Variants in ZBTB8B observed in about 807,000 individuals in gnomAD.
ZBTB8B encodes zinc finger and BTB domain-containing protein 8B.
A neutral mutation model predicts 30.3 loss-of-function variants in ZBTB8B; 17 were observed. The observed-to-expected ratio is 0.56, with a 90% CI of 0.38 to 0.84. The LOEUF (loss-of-function observed/expected upper bound fraction) is 0.84, where lower values mean the gene tolerates loss of function less well. Among genes scored for constraint, ZBTB8B ranks in the 40% least tolerant of loss-of-function variants. ZBTB8B has a pLI of 0.00. For missense variants in ZBTB8B, 515 were observed against 644.9 expected (o/e 0.80, Z 2.18); for synonymous variants, 248 against 255.6 (o/e 0.97, Z 0.28).
intron 2 of ZBTB8B, among the ~76,000 whole-genome samples, chr1:32,477,029 A>G (rs1280474764): frequency 6.6e-6 from 1 of 151,734 alleles, no homozygotes; most frequent in Non-Finnish European, 1.5e-5. Context: ...CCCACTTCAT[A>G]CTTCATATTC....
chr1:32,474,550 G>GAA (rs762217301), intron 2 of ZBTB8B, among the ~76,000 whole-genome samples: 1 of 145,034 alleles, frequency 6.9e-6, no homozygotes, highest in East Asian at 2.0e-4. Context: ...AAAGGAAAAA[G>GAA]AAAAAAAAAA....
rs917865954 is a variant in ZBTB8B, at chr1:32,494,183, C to CAAAAAAAAAAA, written c.*8779_*8789dup. ...GGGCAACGAGAGCAAAACTCCATCT[C>CAAAAAAAAAAA]AAAAAAAAAAAAAAAAAAAAAAAAG... On this transcript the variant is annotated 3_prime_UTR_variant, in exon 4 of 4. Coordinates refer to ENST00000609129, the MANE Select transcript of ZBTB8B (RefSeq NM_001145720.2). 1 of 48,006 alleles carries CAAAAAAAAAAA rather than the reference C, an allele frequency of 2.1e-5. No homozygotes were observed. Among genetic ancestry groups the CAAAAAAAAAAA allele is most frequent in the Non-Finnish European group, 3.9e-5 (1 of 25,502 alleles). The allele number at this position is 48,006 out of a possible 1,614,324, so 3.0% of individuals were successfully genotyped here.
chr1:32,479,126 T>A (rs771730010), intron 2 of ZBTB8B, among the ~76,000 whole-genome samples: 1 of 152,152 alleles, frequency 6.6e-6, no homozygotes, highest in African/African-American at 2.4e-5. Context: ...TGAACCAGGT[T>A]TCTGTACCTA....
chr1:32,485,768 C>T lies in ZBTB8B; in HGVS notation c.*350C>T, dbSNP rs1364860281. The T allele has an allele frequency of 9.1e-6, 2 of 220,858 alleles. No homozygotes were observed. Among genetic ancestry groups the T allele is most frequent in the African/African-American group, 4.6e-5 (2 of 43,520 alleles). The allele number at this position is 220,858 out of a possible 1,614,324, so 13.7% of individuals were successfully genotyped here. On this transcript the variant is annotated 3_prime_UTR_variant, in exon 4 of 4. Transcript: ENST00000609129. Reference sequence around the variant, plus strand: ...CTTGTTTTTATATTGATTCAGTCCTCTGCATTCCTTTGTTATCATCCTCTT... The same window carrying T: ...CTTGTTTTTATATTGATTCAGTCCTTTGCATTCCTTTGTTATCATCCTCTT...
intron 3 of ZBTB8B, among the ~76,000 whole-genome samples, chr1:32,482,669 C>CA (rs1050028688): frequency 0.055 from 2,147 of 39,218 alleles, 114 homozygotes; most frequent in African/African-American, 0.11. Flanking sequence ...GACTCCGTGT[C>CA]AAAAAAAAAA....
Position 32,475,816 on chromosome 1 carries a change from GT to G in ZBTB8B, c.991+4221del, listed in dbSNP as rs1331933358. 2.4e-3 allele frequency among the ~76,000 whole-genome samples: 308 copies of G among 125,840 alleles called. 2 individuals carry two copies. The highest frequency in any genetic ancestry group is 0.017 in the South Asian group (66 of 3,834). The allele number at this position is 125,840 out of a possible 152,430, so 82.6% of individuals were successfully genotyped here. On this transcript the variant is annotated intron_variant, in intron 2 of 3. Transcript: ENST00000609129. ...AAAACCTTAAATGCAAAGAGGGGAG[GT>G]TTTTTTTTTTTTTTTTTTTAGACAG... is the stretch of plus-strand genomic sequence containing the variant.
rs1326102133 is a variant in ZBTB8B at position 32,492,205 on chromosome 1, A to G, written c.*6787A>G. The G allele has an allele frequency of 2.0e-5, 3 of 152,208 alleles. No homozygotes were observed. Among genetic ancestry groups the G allele is most frequent in the African/African-American group, 7.2e-5 (3 of 41,440 alleles). 9.4% of individuals were successfully genotyped at this position (152,208 alleles called of 1,614,324 possible). On this transcript the variant is annotated 3_prime_UTR_variant, in exon 4 of 4. Transcript: ENST00000609129. ...TGTCGTACTGTAGGGACATTATTGA[A>G]TGGACATGTCTGAGTATTCCATCAG... is the stretch of plus-strand genomic sequence containing the variant.
chr1:32,467,977 G>T (rs375791151), intron 1 of ZBTB8B, among the ~76,000 whole-genome samples: 3 of 151,934 alleles, frequency 2.0e-5, no homozygotes, highest in East Asian at 1.9e-4. Context: ...TTAGCCTGGC[G>T]TGGGGGTGGG....
intron 1 of ZBTB8B, among the ~76,000 whole-genome samples, chr1:32,466,210 T>C (rs188866259): frequency 7.4e-4 from 112 of 152,288 alleles, no homozygotes; most frequent in East Asian, 5.8e-3. Flanking sequence ...AATTCAAGGC[T>C]GCTTTTGGCC....
At chr1:32,478,994 A>C (rs1643684179) in intron 2 of ZBTB8B, among the ~76,000 whole-genome samples, 1 of 152,128 alleles carries the variant, frequency 6.6e-6, no homozygotes, top group African/African-American at 2.4e-5. Flanking sequence ...TTTCATTCTT[A>C]CCACAATCCT....
chr1:32,481,161 T>G, intron 3 of ZBTB8B, 92 bp downstream of exon 3: 5 of 1,228,968 alleles, frequency 4.1e-6, no homozygotes, highest in Non-Finnish European at 4.4e-6. Context: ...TTCATTTCTC[T>G]GTCTACTGGG....
chr1:32,466,581 A>G (rs992177159), intron 1 of ZBTB8B, among the ~76,000 whole-genome samples: 5 of 152,198 alleles, frequency 3.3e-5, no homozygotes, highest in Admixed American at 1.3e-4. Flanking sequence ...TTTACACAAT[A>G]TATACCAAGT....
chr1:32,471,564 G>C lies in ZBTB8B; in HGVS notation c.940G>C (p.Ala314Pro). ...AGGAAGACCAGAAGGTGCAGGAGTA[G>C]CCATGAGTTCCATGATGGATGTCCA... ...LEGRPEGAGV[A>P]MSSMMDVQAD... The change falls in exon 2 of 4, where the codon GCC becomes CCC. Residue 314 changes from alanine (A) to proline (P), a missense_variant. This residue lies in a region of ZBTB8B where 429 missense variants were observed against 504.3 expected (regional missense o/e 0.85). Transcript: ENST00000609129. 5.2e-6 allele frequency: 8 copies of C among 1,551,814 alleles called. No individual in the cohort carries two copies. The highest frequency in any genetic ancestry group is 7.0e-6 in the Non-Finnish European group (8 of 1,147,014).
rs1399605343 is a variant in ZBTB8B at position 32,487,049 on chromosome 1, A to T, written c.*1631A>T. 1 of 152,230 alleles carries T rather than the reference A, an allele frequency of 6.6e-6. No homozygotes were observed. Among genetic ancestry groups the T allele is most frequent in the Non-Finnish European group, 1.5e-5 (1 of 68,032 alleles). 9.4% of individuals were successfully genotyped at this position (152,230 alleles called of 1,614,324 possible). Reference sequence around the variant, plus strand: ...AATTTCCATAATTTTGTCTTATGTTAAAATATCCAAAATGGATTTTAAAAG... The same window carrying T: ...AATTTCCATAATTTTGTCTTATGTTTAAATATCCAAAATGGATTTTAAAAG... On this transcript the variant is annotated 3_prime_UTR_variant, in exon 4 of 4. Coordinates refer to ENST00000609129, the MANE Select transcript of ZBTB8B (RefSeq NM_001145720.2).
At chr1:32,475,455 G>A (rs996368372) in intron 2 of ZBTB8B, among the ~76,000 whole-genome samples, 19 of 152,070 alleles carry the variant, frequency 1.2e-4, no homozygotes, top group Admixed American at 9.8e-4. Context: ...GCGTGGTGGC[G>A]AGTGCCTGTG....
At position 32,482,985 on chromosome 1, in the gene ZBTB8B, C is replaced by T. The variant is rs140173930; in HGVS notation, c.1170+1916C>T. ...ATTGTGGGTGGCTCTCCTGCATCAG[C>T]CTCTCCCCGTCTCTGCCTCTTGCTT... On this transcript the variant is annotated intron_variant, in intron 3 of 3. Coordinates refer to ENST00000609129, the MANE Select transcript of ZBTB8B (RefSeq NM_001145720.2). Among the ~76,000 whole-genome samples, 899 of 151,986 alleles carry T rather than the reference C, an allele frequency of 5.9e-3. 9 individuals carry two copies. The highest frequency in any genetic ancestry group is 0.019 in the African/African-American group (807 of 41,462).
chr1:32,471,326 TG>T lies in ZBTB8B; in HGVS notation c.703del (p.Ala235LeufsTer19). On this transcript the variant is annotated frameshift_variant, in exon 2 of 4. Transcript: ENST00000609129. LOFTEE classifies it high-confidence loss of function. ...KRIEPKVEFD[A>X]DEVEVDVGEQ... ...GGATAGAGCCCAAGGTGGAATTTGA[TG>T]CTGATGAAGTGGAGGTGGACGTTGG... 6.4e-7 allele frequency: 1 copy of T among 1,551,802 alleles called. No homozygotes were observed. Among genetic ancestry groups the T allele is most frequent in the Non-Finnish European group, 8.7e-7 (1 of 1,147,016 alleles).
At position 32,480,997 on chromosome 1, in the gene ZBTB8B, G is replaced by C. The variant is rs1413711070; in HGVS notation, c.1098G>C (p.Glu366Asp). The change falls in exon 3 of 4, where the codon GAG becomes GAC. Residue 366 changes from glutamate to aspartate, a missense_variant. Around this residue, in one of 3 missense-constraint regions of ZBTB8B, gnomAD observed 429 missense variants for 504.3 expected, o/e 0.85. Transcript: ENST00000609129. ...LKRHIRSHTGERPYPCETCGK... is the reference protein window; with the variant it reads ...LKRHIRSHTGDRPYPCETCGK... ...GGCACATCCGTTCACACACAGGCGA[G>C]CGGCCCTACCCCTGTGAGACCTGCG... is the stretch of plus-strand genomic sequence containing the variant. 5 of 1,552,304 alleles carry C rather than the reference G, an allele frequency of 3.2e-6. No homozygotes were observed. Among genetic ancestry groups the C allele is most frequent in the Non-Finnish European group, 4.4e-6 (5 of 1,147,268 alleles).
At chr1:32,481,785 T>C (rs1020597583) in intron 3 of ZBTB8B, among the ~76,000 whole-genome samples, 1 of 152,168 alleles carries the variant, frequency 6.6e-6, no homozygotes, top group Admixed American at 6.5e-5. Context: ...TAGACCCCAG[T>C]GTCTGCCGTT....
Sources: allele counts gnomAD v4.1 joint callset (sites outside exome capture counted in the v4.1 genomes callset), GRCh38; gene constraint gnomAD v4.1.1; regional missense constraint gnomAD v4.1.1; transcripts MANE v1.5; gene names NCBI Gene and HGNC (gene_info 2026-07-23, HGNC 2026-07-21).